ENTREP2: variants seen among roughly 807,000 people sequenced by gnomAD.
ENTREP2 encodes the protein protein ENTREP2.
chr15:29,269,930 G>A, the ENTREP2 span: 3 of 484,488 alleles, frequency 6.2e-6, no homozygotes, highest in African/African-American at 2.0e-5. Context: ...CAGCCCTGCA[G>A]GTCCGGGCGA....
the ENTREP2 span, among the ~76,000 whole-genome samples, chr15:29,631,848 G>A: frequency 6.6e-6 from 1 of 152,172 alleles, no homozygotes. Flanking sequence ...CTGGTGGATG[G>A]GAGTGGGAGT....
the ENTREP2 span, among the ~76,000 whole-genome samples, chr15:29,362,301 C>A: frequency 1.3e-5 from 2 of 150,912 alleles, no homozygotes; most frequent in East Asian, 1.9e-4. Flanking sequence ...CAAGATGATG[C>A]ATTTAATTAT....
chr15:29,409,514 C>T, the ENTREP2 span, among the ~76,000 whole-genome samples: 1 of 152,048 alleles, frequency 6.6e-6, no homozygotes, highest in South Asian at 2.1e-4. Context: ...TTAGTAGAGA[C>T]AGGTTTCACC....
chr15:29,186,903 T>C, the ENTREP2 span, among the ~76,000 whole-genome samples: 11 of 152,218 alleles, frequency 7.2e-5, no homozygotes, highest in Non-Finnish European at 1.2e-4. Context: ...GCCATTTTTG[T>C]GTAGGTTTTC....
chr15:29,552,226 A>G, the ENTREP2 span, among the ~76,000 whole-genome samples: 1 of 152,226 alleles, frequency 6.6e-6, no homozygotes, highest in African/African-American at 2.4e-5. Context: ...AACAAAACAA[A>G]AAAACTCGGG....
chr15:29,301,366 C>A, the ENTREP2 span, among the ~76,000 whole-genome samples: 349 of 152,278 alleles, frequency 2.3e-3, 4 homozygotes, highest in Admixed American at 3.7e-3. Context: ...TCTGCTAAGG[C>A]AGAAGTACTT....
chr15:29,628,462 G>A, the ENTREP2 span, among the ~76,000 whole-genome samples: 91 of 152,190 alleles, frequency 6.0e-4, no homozygotes, highest in African/African-American at 2.1e-3. Flanking sequence ...AATGTTCCAC[G>A]GTGCTTGAAA....
the ENTREP2 span, among the ~76,000 whole-genome samples, chr15:29,575,619 T>C: frequency 3.9e-5 from 6 of 152,262 alleles, no homozygotes; most frequent in Admixed American, 3.9e-4. Context: ...TCTCAAAGAA[T>C]TCACAAGAAA....
the ENTREP2 span, among the ~76,000 whole-genome samples, chr15:29,646,552 C>A: frequency 4.6e-5 from 7 of 152,174 alleles, no homozygotes; most frequent in African/African-American, 1.7e-4. Context: ...TTCTCTTCTA[C>A]CTGCCTCTTC....
At chr15:29,480,936 A>G in the ENTREP2 span, among the ~76,000 whole-genome samples, 1 of 152,158 alleles carries the variant, frequency 6.6e-6, no homozygotes, top group Non-Finnish European at 1.5e-5. Flanking sequence ...GAATGTGTCA[A>G]ACACTCAGAA....
the ENTREP2 span, among the ~76,000 whole-genome samples, chr15:29,161,782 A>G: frequency 6.6e-6 from 1 of 152,214 alleles, no homozygotes; most frequent in African/African-American, 2.4e-5. Context: ...CTTTAAGTAA[A>G]GTAATGCAGC....
At chr15:29,260,462 T>G in the ENTREP2 span, among the ~76,000 whole-genome samples, 8 of 152,306 alleles carry the variant, frequency 5.3e-5, no homozygotes, top group South Asian at 1.7e-3. Flanking sequence ...CAAGTGGGAT[T>G]TACTTCAGGA....
At chr15:29,131,078 A>C in the ENTREP2 span, among the ~76,000 whole-genome samples, 1 of 152,144 alleles carries the variant, frequency 6.6e-6, no homozygotes, top group African/African-American at 2.4e-5. Flanking sequence ...AATAATTCAA[A>C]TTGTATGAAG....
the ENTREP2 span, among the ~76,000 whole-genome samples, chr15:29,636,979 G>T: frequency 2.0e-5 from 3 of 151,538 alleles, no homozygotes; most frequent in East Asian, 5.8e-4. Context: ...AACAGATAAA[G>T]CTTAACATAA....
chr15:29,405,911 A>G, the ENTREP2 span, among the ~76,000 whole-genome samples: 1 of 152,220 alleles, frequency 6.6e-6, no homozygotes, highest in Non-Finnish European at 1.5e-5. Flanking sequence ...CCTTTATTTT[A>G]TAACCAAAAC....
the ENTREP2 span, chr15:29,123,305 G>C: frequency 1.4e-5 from 20 of 1,473,850 alleles, no homozygotes; most frequent in Non-Finnish European, 1.6e-5. Flanking sequence ...TGTGGCGCCA[G>C]GCGTTGGTGT....
chr15:29,428,485 G>T, the ENTREP2 span, among the ~76,000 whole-genome samples: 3 of 151,898 alleles, frequency 2.0e-5, no homozygotes, highest in Non-Finnish European at 4.4e-5. Context: ...AAAGTGCTGG[G>T]ATTACAGGTG....
chr15:29,174,722 A>AAAAT, the ENTREP2 span, among the ~76,000 whole-genome samples: 1 of 151,666 alleles, frequency 6.6e-6, no homozygotes, highest in African/African-American at 2.4e-5. Context: ...AAAAAAAAAA[A>AAAAT]GAAAACTAGA....
the ENTREP2 span, chr15:29,234,743 T>C: frequency 4.0e-6 from 6 of 1,504,510 alleles, no homozygotes; most frequent in Admixed American, 8.4e-5. Context: ...GCATTGTCTG[T>C]TGGTTTCTGC....
Sources: gnomAD v4.1 joint callset for allele counts (sites outside exome capture counted in the v4.1 genomes callset) on GRCh38, gnomAD v4.1.1 for gene constraint, MANE v1.5 for transcripts, NCBI Gene and HGNC (gene_info 2026-07-23, HGNC 2026-07-21) for gene names.